The following GRID2 variants were observed in gnomAD, a reference collection of about 807,000 sequenced individuals.
GRID2 encodes glutamate receptor ionotropic, delta-2.
A neutral mutation model predicts 114.8 loss-of-function variants in GRID2; 33 were observed. The observed-to-expected ratio is 0.29, with a 90% CI of 0.22 to 0.38. The LOEUF (loss-of-function observed/expected upper bound fraction) is 0.38. Among genes scored for constraint, GRID2 ranks in the 10% least tolerant of loss-of-function variants. GRID2 has a pLI of 1.00. For missense variants in GRID2, 1,184 were observed against 1,257.7 expected, an observed-to-expected ratio of 0.94 and a Z score of 0.89; for synonymous variants, 505 against 449.9, an observed-to-expected ratio of 1.12 and a Z score of -1.55.
At chr4:92,350,925 ATACG>A (rs1336905566) in intron 1 of GRID2, among the ~76,000 whole-genome samples, 2 of 151,848 alleles carry the variant, frequency 1.3e-5, no homozygotes, top group Non-Finnish European at 2.9e-5. Flanking sequence ...GAATCATATA[ATACG>A]TGGTCTTTTT....
chr4:92,760,402 T>C (rs1737947555), intron 2 of GRID2, among the ~76,000 whole-genome samples: 1 of 151,994 alleles, frequency 6.6e-6, no homozygotes, highest in African/African-American at 2.4e-5. Flanking sequence ...TTTGGGGAAA[T>C]GCTTTGGTTG....
rs1283401257 is a variant in GRID2, at chr4:93,034,171, A to G, written c.245-50824A>G. ...CATAGGGAAAGAAGAATAAAGCAAC[A>G]TGACATATTTCCAGTAACATTTAAC... On this transcript the variant is annotated intron_variant, in intron 2 of 15. Transcript: ENST00000282020. Among the ~76,000 whole-genome samples, 4 of 152,290 alleles carry G rather than the reference A, an allele frequency of 2.6e-5. No homozygotes were observed. In the East Asian group the frequency reaches 7.8e-4, roughly 30 times the overall value.
chr4:93,562,961 T>G (rs1348159195), intron 13 of GRID2, among the ~76,000 whole-genome samples: 1 of 151,994 alleles, frequency 6.6e-6, no homozygotes, highest in African/African-American at 2.4e-5. Context: ...TAAAGTCAAA[T>G]TGTATCCTAT....
At chr4:92,693,624 C>T (rs901263989) in intron 2 of GRID2, among the ~76,000 whole-genome samples, 1 of 152,150 alleles carries the variant, frequency 6.6e-6, no homozygotes, top group Non-Finnish European at 1.5e-5. Context: ...TACTGAGACT[C>T]ACAGACATTT....
chr4:93,743,655 A>G (rs146411250), intron 14 of GRID2, among the ~76,000 whole-genome samples: 51 of 152,116 alleles, frequency 3.4e-4, no homozygotes, highest in Non-Finnish European at 6.5e-4. Context: ...CTTTTTAATA[A>G]CCAGCTTTTG....
At chr4:92,970,516 A>G (rs1753438469) in intron 2 of GRID2, among the ~76,000 whole-genome samples, 1 of 152,034 alleles carries the variant, frequency 6.6e-6, no homozygotes, top group Non-Finnish European at 1.5e-5. Flanking sequence ...AGCTAAAACT[A>G]AATCGATGAT....
rs189946235 is a variant in GRID2 at position 93,048,578 on chromosome 4, G to A, written c.245-36417G>A. ...TTCCCTTTTCAAAAATGCTTCCTTCGCCCCAAACCCCCATAAAAATTATTT... is the reference window on the plus strand; with the variant it reads ...TTCCCTTTTCAAAAATGCTTCCTTCACCCCAAACCCCCATAAAAATTATTT... On this transcript the variant is annotated intron_variant, in intron 2 of 15. Transcript: ENST00000282020. Among the ~76,000 whole-genome samples the A allele has an allele frequency of 3.1e-3, 473 of 151,952 alleles. 1 individual carries two copies. The highest frequency in any genetic ancestry group is 9.5e-3 in the African/African-American group (392 of 41,464).
intron 4 of GRID2, among the ~76,000 whole-genome samples, chr4:93,152,533 C>T (rs1303678302): frequency 1.3e-5 from 2 of 152,024 alleles, no homozygotes; most frequent in Non-Finnish European, 1.5e-5. Context: ...TTAAATTGAA[C>T]AGGTGGATAC....
chr4:92,751,853 G>T (rs1023569408), intron 2 of GRID2, among the ~76,000 whole-genome samples: 13 of 152,180 alleles, frequency 8.5e-5, no homozygotes, highest in Admixed American at 2.6e-4. Context: ...TTTACATCAA[G>T]GAGTCTAATC....
At chr4:92,913,065 A>T (rs1365520421) in intron 2 of GRID2, among the ~76,000 whole-genome samples, 1 of 151,842 alleles carries the variant, frequency 6.6e-6, no homozygotes, top group Non-Finnish European at 1.5e-5. Flanking sequence ...TTATATTTTG[A>T]TGGTGAATAA....
Position 92,321,626 on chromosome 4 carries a change from T to C in GRID2, c.88+16882T>C, listed in dbSNP as rs145659766. On this transcript the variant is annotated intron_variant, in intron 1 of 15. Coordinates refer to ENST00000282020, the MANE Select transcript of GRID2 (RefSeq NM_001510.4). ...GAGCCAAGAGTGGAAAATTGAGTGCTCCAATGGGAAGGAAGGGTCTCAGCA... is the reference window on the plus strand; with the variant it reads ...GAGCCAAGAGTGGAAAATTGAGTGCCCCAATGGGAAGGAAGGGTCTCAGCA... Among the ~76,000 whole-genome samples, 4 of 152,260 alleles carry C rather than the reference T, an allele frequency of 2.6e-5. No individual in the cohort carries two copies. In the East Asian group the frequency reaches 7.7e-4, roughly 29 times the overall value.
chr4:92,541,434 A>G (rs2149163009), intron 1 of GRID2, among the ~76,000 whole-genome samples: 1 of 152,072 alleles, frequency 6.6e-6, no homozygotes, highest in East Asian at 1.9e-4. Context: ...TTTATATTTG[A>G]AAGCTTCATG....
chr4:92,442,736 G>C (rs113683698), intron 1 of GRID2, among the ~76,000 whole-genome samples: 3 of 152,042 alleles, frequency 2.0e-5, no homozygotes, highest in Non-Finnish European at 4.4e-5. Context: ...TCGGTTGCTG[G>C]CAAACAAGTC....
chr4:92,619,123 ATT>A (rs1730148100), intron 2 of GRID2, among the ~76,000 whole-genome samples: 2 of 151,566 alleles, frequency 1.3e-5, no homozygotes, highest in African/African-American at 4.8e-5. Context: ...TCAGCCAAGG[ATT>A]ATTCAGAGCT....
chr4:93,660,231 A>T (rs2149736036), intron 14 of GRID2, among the ~76,000 whole-genome samples: 1 of 152,266 alleles, frequency 6.6e-6, no homozygotes, highest in East Asian at 1.9e-4. Flanking sequence ...CAGTCAAAAC[A>T]GCTCCTATAC....
intron 2 of GRID2, among the ~76,000 whole-genome samples, chr4:92,751,811 A>G (rs1737467352): frequency 6.6e-6 from 1 of 152,214 alleles, no homozygotes; most frequent in Non-Finnish European, 1.5e-5. Context: ...AAAAATATGC[A>G]CAACTCTTTG....
rs905687039 is a variant in GRID2 at position 93,162,836 on chromosome 4, C to G, written c.736-44568C>G. On this transcript the variant is annotated intron_variant, in intron 4 of 15. Coordinates refer to ENST00000282020, the MANE Select transcript of GRID2 (RefSeq NM_001510.4). Reference sequence around the variant, plus strand: ...TCAAATAAGAAAGATAATAGAACACCCAAGAGGCAATATGAGACAGCTCAA... The same window carrying G: ...TCAAATAAGAAAGATAATAGAACACGCAAGAGGCAATATGAGACAGCTCAA... Among the ~76,000 whole-genome samples the G allele has an allele frequency of 2.0e-5, 3 of 151,608 alleles. No homozygotes were observed. The East Asian group carries it at 5.8e-4, about 29-fold the overall frequency.
chr4:93,172,341 C>T (rs1333675021), intron 4 of GRID2, among the ~76,000 whole-genome samples: 1 of 152,036 alleles, frequency 6.6e-6, no homozygotes, highest in Non-Finnish European at 1.5e-5. Flanking sequence ...ACCTATAATG[C>T]CAGCACTTTG....
intron 2 of GRID2, among the ~76,000 whole-genome samples, chr4:92,683,311 T>C (rs984504405): frequency 2.0e-5 from 3 of 151,428 alleles, no homozygotes; most frequent in Non-Finnish European, 4.4e-5. Context: ...AAAAAAAAAA[T>C]TGTAGTTAAT....
Sources: allele counts gnomAD v4.1 joint callset (sites outside exome capture counted in the v4.1 genomes callset), GRCh38; gene constraint gnomAD v4.1.1; transcripts MANE v1.5; gene names NCBI Gene and HGNC (gene_info 2026-07-23, HGNC 2026-07-21).